Variants in RNMT observed in about 807,000 individuals in gnomAD.
RNMT encodes mRNA cap guanine-N(7) methyltransferase.
A neutral mutation model predicts 56.0 loss-of-function variants in RNMT; 27 were observed. The ratio of observed to expected loss-of-function variants is 0.48; its 90% CI spans 0.36 to 0.67. The LOEUF (loss-of-function observed/expected upper bound fraction) is 0.67. Among genes scored for constraint, RNMT ranks in the 30% least tolerant of loss-of-function variants. The pLI is 0.00. For missense variants in RNMT, 519 were observed against 552.1 expected (o/e 0.94, Z 0.60); for synonymous variants, 184 against 176.2 (o/e 1.04, Z -0.35).
Position 13,731,853 on chromosome 18 carries a change from T to C in RNMT, c.336T>C (p.Val112=). Residue 112 remains valine (V), a synonymous_variant, in exon 3 of 12, where the codon GTT becomes GTC. Transcript: ENST00000383314. ...SKKRKRETED[V]PKDKSSTGDG... ...AAAGAAAAAGAGAAACTGAGGATGT[T>C]CCAAAAGATAAATCTTCTACTGGAG... 1 of 1,612,876 alleles carries C rather than the reference T, an allele frequency of 6.2e-7. No individual in the cohort carries two copies. The highest frequency in any genetic ancestry group is 8.5e-7 in the Non-Finnish European group (1 of 1,179,774).
In RNMT at chr18:13,760,752, C is replaced by G. The variant is rs1455617135; in HGVS notation, c.*773C>G. ...TTTTCTCAAAATTTAGTGAAAATCC[C>G]TCCCATGTAGACATGTTGCACATTT... On this transcript the variant is annotated 3_prime_UTR_variant, in exon 12 of 12. Coordinates refer to ENST00000383314, the MANE Select transcript of RNMT (RefSeq NM_003799.3). 1 of 985,168 alleles carries G rather than the reference C, an allele frequency of 1.0e-6. No homozygotes were observed. Among genetic ancestry groups the G allele is most frequent in the Non-Finnish European group, 1.2e-6 (1 of 829,810 alleles). The allele number at this position is 985,168 out of a possible 1,614,324, so 61.0% of individuals were successfully genotyped here. A position where few individuals can be genotyped will look rare whatever the true frequency, so the allele number is the denominator to read the frequency against.
chr18:13,761,848 C>G lies in RNMT; in HGVS notation c.*1869C>G. 1.7e-6 allele frequency: 2 copies of G among 1,181,718 alleles called. No homozygotes were observed. Among genetic ancestry groups the G allele is most frequent in the Non-Finnish European group, 2.1e-6 (2 of 950,078 alleles). The allele number at this position is 1,181,718 out of a possible 1,614,324, so 73.2% of individuals were successfully genotyped here. ...TTCTTCCTCCACCACCCTACACCCC[C>G]CTCCCCCCGGCCCCAAGCCCCTGTG... On this transcript the variant is annotated 3_prime_UTR_variant, in exon 12 of 12. Transcript: ENST00000383314.
At chr18:13,754,038 C>G in intron 10 of RNMT, 76 bp from the exon 11 acceptor site, 1 of 785,398 alleles carries the variant, frequency 1.3e-6, no homozygotes, top group Non-Finnish European at 2.1e-6. Context: ...GCCATCTCTG[C>G]CCATTATTTA....
At chr18:13,744,857 TC>T (rs1307038766) in intron 8 of RNMT, among the ~76,000 whole-genome samples, 1 of 152,210 alleles carries the variant, frequency 6.6e-6, no homozygotes, top group Non-Finnish European at 1.5e-5. Flanking sequence ...CCTCTTGTTG[TC>T]TACAGATACA....
At chr18:13,733,856 A>G (rs559823285) in intron 3 of RNMT, among the ~76,000 whole-genome samples, 203 of 152,348 alleles carry the variant, frequency 1.3e-3, no homozygotes, top group African/African-American at 4.8e-3. Flanking sequence ...CATTGACACT[A>G]AAATTAATGC....
intron 9 of RNMT, among the ~76,000 whole-genome samples, chr18:13,747,347 T>A (rs1207432326): frequency 2.0e-5 from 3 of 151,976 alleles, no homozygotes; most frequent in Non-Finnish European, 4.4e-5. Flanking sequence ...GCCTCCTGAG[T>A]AACTGACTAC....
intron 11 of RNMT, among the ~76,000 whole-genome samples, chr18:13,754,799 T>G (rs2044515833): frequency 1.3e-5 from 2 of 152,258 alleles, no homozygotes; most frequent in Non-Finnish European, 2.9e-5. Flanking sequence ...TTTTTTTTAT[T>G]TGGCCACTCT....
intron 11 of RNMT, among the ~76,000 whole-genome samples, chr18:13,758,492 G>A (rs1011997370): frequency 1.3e-5 from 2 of 152,108 alleles, no homozygotes; most frequent in East Asian, 3.9e-4. Context: ...TTCCTTAAAC[G>A]TCCTGAACCA....
chr18:13,752,112 T>C (rs1436043998), intron 9 of RNMT, among the ~76,000 whole-genome samples: 1 of 152,128 alleles, frequency 6.6e-6, no homozygotes, highest in African/African-American at 2.4e-5. Context: ...TGGAATAATA[T>C]ACCCTAGTAT....
At chr18:13,751,535 C>T (rs556183855) in intron 9 of RNMT, among the ~76,000 whole-genome samples, 1 of 152,330 alleles carries the variant, frequency 6.6e-6, no homozygotes, top group East Asian at 1.9e-4. Context: ...TAAACTAGTT[C>T]AACCATTGTG....
chr18:13,754,837 T>C (rs749700079), intron 11 of RNMT, among the ~76,000 whole-genome samples: 5 of 152,240 alleles, frequency 3.3e-5, no homozygotes, highest in Non-Finnish European at 7.3e-5. Context: ...ATAATAATAC[T>C]AGAACATTCA....
chr18:13,734,447 TTC>T lies in RNMT; in HGVS notation c.418-13_418-12del. 6.3e-7 allele frequency: 1 copy of T among 1,589,920 alleles called. No individual in the cohort carries two copies. Among genetic ancestry groups the T allele is most frequent in the Non-Finnish European group, 8.5e-7 (1 of 1,170,926 alleles). The stretch of plus-strand genomic sequence containing the variant: ...TGTTCTGATCCTTGATTTTTTTCTA[TTC>T]TCTTTTATTTTCAGAATCTGGAAGA... On this transcript the variant is annotated splice_polypyrimidine_tract_variant and intron_variant, in intron 3 of 11. Transcript: ENST00000383314.
intron 4 of RNMT, among the ~76,000 whole-genome samples, chr18:13,736,795 C>A (rs2044164097): frequency 6.6e-6 from 1 of 152,158 alleles, no homozygotes; most frequent in African/African-American, 2.4e-5. Flanking sequence ...TTTTCCAAAA[C>A]ACCAGACACG....
intron 1 of RNMT, 185 bp from the exon 2 acceptor site, chr18:13,730,442 C>T (rs2149080780): frequency 6.6e-6 from 1 of 152,258 alleles, no homozygotes; most frequent in Admixed American, 6.5e-5. Context: ...GTTCTTGATG[C>T]CCTTAGTGTC....
chr18:13,732,743 T>G (rs926228246), intron 3 of RNMT, among the ~76,000 whole-genome samples: 2 of 38,310 alleles, frequency 5.2e-5, no homozygotes, highest in Non-Finnish European at 1.4e-4. Context: ...GAGCCCCCCC[T>G]TTTTTTTTTT....
At chr18:13,732,581 C>T (rs549728437) in intron 3 of RNMT, among the ~76,000 whole-genome samples, 1 of 152,040 alleles carries the variant, frequency 6.6e-6, no homozygotes, top group South Asian at 2.1e-4. Context: ...TCTGGAAGTA[C>T]CACATTAGAA....
chr18:13,762,065 G>T lies in RNMT; in HGVS notation c.*2086G>T, dbSNP rs1267829443. 6.5e-7 allele frequency: 1 copy of T among 1,536,078 alleles called. No homozygotes were observed. The highest frequency in any genetic ancestry group is 1.2e-5 in the South Asian group (1 of 84,056). ...ACTTACGGTAACTATTATGAGGGAGGCATGGCTTTCCACCGTCGGGCCAGG... is the reference window on the plus strand; with the variant it reads ...ACTTACGGTAACTATTATGAGGGAGTCATGGCTTTCCACCGTCGGGCCAGG... On this transcript the variant is annotated 3_prime_UTR_variant, in exon 12 of 12. Coordinates refer to ENST00000383314, the MANE Select transcript of RNMT (RefSeq NM_003799.3).
chr18:13,731,171 C>T (rs1421628291), intron 2 of RNMT, among the ~76,000 whole-genome samples: 2 of 152,152 alleles, frequency 1.3e-5, no homozygotes, highest in Admixed American at 1.3e-4. Context: ...CTTTGGGAGG[C>T]CAAGGCAGGC....
chr18:13,734,787 A>AT (rs1568500008), intron 4 of RNMT, among the ~76,000 whole-genome samples, 188 bp downstream of exon 4: 8 of 151,804 alleles, frequency 5.3e-5, no homozygotes, highest in Admixed American at 3.9e-4. Context: ...AGAAGGCAAT[A>AT]TTTTTTTTAA....
Sources: gnomAD v4.1 joint callset for allele counts (sites outside exome capture counted in the v4.1 genomes callset) on GRCh38, gnomAD v4.1.1 for gene constraint, MANE v1.5 for transcripts, NCBI Gene and HGNC (gene_info 2026-07-23, HGNC 2026-07-21) for gene names.